Variants in MISP3 observed in about 807,000 individuals in gnomAD.
MISP3 encodes the protein MISP family member 3.
MISP3 carries 9 observed loss-of-function variants against 5.5 expected under a neutral mutation model. The ratio of observed to expected loss-of-function variants is 1.65; its 90% CI spans 0.99 to 2.87. The LOEUF (loss-of-function observed/expected upper bound fraction) is 2.87. MISP3 is among the 30% of genes most tolerant of loss of function. The pLI, the probability that MISP3 is intolerant of heterozygous loss-of-function variation, is 0.00. For synonymous variants in MISP3, 87 were observed against 38.1 expected, an observed-to-expected ratio of 2.28 and a Z score of -4.73; for missense variants, 152 against 84.1, an observed-to-expected ratio of 1.81 and a Z score of -3.16.
At position 14,073,128 on chromosome 19, in the gene MISP3, T is replaced by G; in HGVS notation, c.-182T>G. 1.5e-6 allele frequency: 1 copy of G among 658,744 alleles called. No homozygotes were observed. The highest frequency in any genetic ancestry group is 2.8e-6 in the Non-Finnish European group (1 of 356,802). The allele number at this position is 658,744 out of a possible 1,614,324, so 40.8% of individuals were successfully genotyped here. On this transcript the variant is annotated 5_prime_UTR_variant, in exon 1 of 3. Coordinates refer to ENST00000587086, the MANE Select transcript of MISP3 (RefSeq NM_001291291.2). This position sits in a 1 kb window ranked among gnomAD's most constrained non-coding sequence, Gnocchi z 8.5. ...CCCGGGCTGTCCACAGCTGCGGGCTTTGAGAGTCCTGAGCCAGGCAGAGAC... is the reference window on the plus strand; with the variant it reads ...CCCGGGCTGTCCACAGCTGCGGGCTGTGAGAGTCCTGAGCCAGGCAGAGAC...
chr19:14,072,971 G>C lies in MISP3; in HGVS notation c.-339G>C. On this transcript the variant is annotated 5_prime_UTR_variant, in exon 1 of 3. Coordinates refer to ENST00000587086, the MANE Select transcript of MISP3 (RefSeq NM_001291291.2). This position sits in a 1 kb window ranked among gnomAD's most constrained non-coding sequence, Gnocchi z 6.8. The stretch of plus-strand genomic sequence containing the variant: ...AAGAGGAGGGCCAGGAGTCCCCAGG[G>C]CCAGACAGCGAAGCCCCAGAGCTGC... 4.2e-6 allele frequency: 2 copies of C among 478,614 alleles called. No homozygotes were observed. Among genetic ancestry groups the C allele is most frequent in the Non-Finnish European group, 8.3e-6 (2 of 241,790 alleles). The allele number at this position is 478,614 out of a possible 1,614,324, so 29.6% of individuals were successfully genotyped here. A position where few individuals can be genotyped will look rare whatever the true frequency, so the allele number is the denominator to read the frequency against.
Position 14,075,055 on chromosome 19 carries a change from T to C in MISP3, c.*332T>C. 3.4e-6 allele frequency: 1 copy of C among 297,884 alleles called. No homozygotes were observed. Among genetic ancestry groups the C allele is most frequent in the Non-Finnish European group, 6.5e-6 (1 of 153,400 alleles). The allele number at this position is 297,884 out of a possible 1,614,324, so 18.5% of individuals were successfully genotyped here. On this transcript the variant is annotated 3_prime_UTR_variant, in exon 3 of 3. Transcript: ENST00000587086. ...CCCACCCCCAATAAAGCCTCTTCTT[T>C]CAGGGCACTGCAGCCTGTTTTTTTC...
Position 14,073,373 on chromosome 19 carries a change from A to G in MISP3, c.64A>G (p.Ser22Gly). 1.4e-6 allele frequency: 1 copy of G among 697,592 alleles called. No homozygotes were observed. Among genetic ancestry groups the G allele is most frequent in the Non-Finnish European group, 2.6e-6 (1 of 382,342 alleles). 43.2% of individuals were successfully genotyped at this position (697,592 alleles called of 1,614,324 possible). ...SCEREESLRR[S>G]RGLSPGRAGR... ...CGAACGCGAGGAGAGCCTGCGCCGG[A>G]GCCGGGGCCTGAGCCCGGGCCGCGC... Residue 22 changes from serine (S) to glycine (G), a missense_variant, in exon 1 of 3, where the codon AGC becomes GGC. Ser to Gly is a moderately conservative substitution (Grantham distance 56, BLOSUM62 0). Transcript: ENST00000587086. This position sits in a 1 kb window ranked among gnomAD's most constrained non-coding sequence, Gnocchi z 8.5.
Position 14,074,823 on chromosome 19 carries a change from T to C in MISP3, c.*100T>C. The C allele has an allele frequency of 1.5e-6, 1 of 672,020 alleles. No individual in the cohort carries two copies. Among genetic ancestry groups the C allele is most frequent in the Non-Finnish European group, 2.8e-6 (1 of 360,620 alleles). 41.6% of individuals were successfully genotyped at this position (672,020 alleles called of 1,614,324 possible). ...TAGGCCTGGAGAAGGGTCGGCTCTC[T>C]GCATTGGGGAAGATGAAATCGACTT... On this transcript the variant is annotated 3_prime_UTR_variant, in exon 3 of 3. Coordinates refer to ENST00000587086, the MANE Select transcript of MISP3 (RefSeq NM_001291291.2). This position sits in a 1 kb window ranked among gnomAD's most constrained non-coding sequence, Gnocchi z 4.4.
At position 14,073,908 on chromosome 19, in the gene MISP3, C is replaced by A. The variant is rs1313289865; in HGVS notation, c.568+31C>A. ...CCGCGGGCGTAGCAACGCCGGGACC[C>A]CCAGGGTTCCAGCCGCCCCCACCGA... On this transcript the variant is annotated intron_variant, in intron 1 of 2. Coordinates refer to ENST00000587086, the MANE Select transcript of MISP3 (RefSeq NM_001291291.2). This position sits in a 1 kb window ranked among gnomAD's most constrained non-coding sequence, Gnocchi z 8.5. The A allele has an allele frequency of 1.4e-6, 1 of 697,150 alleles. No individual in the cohort carries two copies. The highest frequency in any genetic ancestry group is 1.8e-5 in the African/African-American group (1 of 56,842). 43.2% of individuals were successfully genotyped at this position (697,150 alleles called of 1,614,324 possible).
At position 14,073,210 on chromosome 19, in the gene MISP3, A is replaced by G; in HGVS notation, c.-100A>G. ...AGGTCCAGGGGCAGCATCCCCCTCCAGGCCCTAAGACCTCCTCCTCCAGGT... is the reference window on the plus strand; with the variant it reads ...AGGTCCAGGGGCAGCATCCCCCTCCGGGCCCTAAGACCTCCTCCTCCAGGT... On this transcript the variant is annotated 5_prime_UTR_variant, in exon 1 of 3. Coordinates refer to ENST00000587086, the MANE Select transcript of MISP3 (RefSeq NM_001291291.2). This position sits in a 1 kb window ranked among gnomAD's most constrained non-coding sequence, Gnocchi z 8.5. The G allele has an allele frequency of 3.0e-6, 2 of 673,950 alleles. No homozygotes were observed. The highest frequency in any genetic ancestry group is 5.5e-6 in the Non-Finnish European group (2 of 366,586). The allele number at this position is 673,950 out of a possible 1,614,324, so 41.7% of individuals were successfully genotyped here. A position where few individuals can be genotyped will look rare whatever the true frequency, so the allele number is the denominator to read the frequency against.
Position 14,074,116 on chromosome 19 carries a change from G to C in MISP3, c.568+239G>C. ...GATCCACACCACCCAGGCTGCGCGGGGGTGGGGGCATTCCAGATGTCTTCC... is the reference window on the plus strand; with the variant it reads ...GATCCACACCACCCAGGCTGCGCGGCGGTGGGGGCATTCCAGATGTCTTCC... On this transcript the variant is annotated intron_variant, in intron 1 of 2. Transcript: ENST00000587086. This position sits in a 1 kb window ranked among gnomAD's most constrained non-coding sequence, Gnocchi z 4.4. The C allele has an allele frequency of 1.7e-6, 1 of 593,424 alleles. No individual in the cohort carries two copies. Among genetic ancestry groups the C allele is most frequent in the East Asian group, 2.8e-5 (1 of 35,512 alleles). The allele number at this position is 593,424 out of a possible 1,614,324, so 36.8% of individuals were successfully genotyped here. A position where few individuals can be genotyped will look rare whatever the true frequency, so the allele number is the denominator to read the frequency against.
In MISP3 at chr19:14,075,017, T is replaced by C; in HGVS notation, c.*294T>C. On this transcript the variant is annotated 3_prime_UTR_variant, in exon 3 of 3. Transcript: ENST00000587086. ...AAGAGGGCCGGAGTTACCGCCTCGA[T>C]TGCCCCACTCCCCCCACCCCCAATA... 1 of 347,948 alleles carries C rather than the reference T, an allele frequency of 2.9e-6. No homozygotes were observed. Among genetic ancestry groups the C allele is most frequent in the Non-Finnish European group, 5.4e-6 (1 of 183,902 alleles). 21.6% of individuals were successfully genotyped at this position (347,948 alleles called of 1,614,324 possible).
At position 14,075,046 on chromosome 19, in the gene MISP3, C is replaced by T. The variant is rs1976669857; in HGVS notation, c.*323C>T. On this transcript the variant is annotated 3_prime_UTR_variant, in exon 3 of 3. Coordinates refer to ENST00000587086, the MANE Select transcript of MISP3 (RefSeq NM_001291291.2). Reference sequence around the variant, plus strand: ...CCCACTCCCCCCACCCCCAATAAAGCCTCTTCTTTCAGGGCACTGCAGCCT... The same window carrying T: ...CCCACTCCCCCCACCCCCAATAAAGTCTCTTCTTTCAGGGCACTGCAGCCT... The T allele has an allele frequency of 9.3e-6, 3 of 322,938 alleles. No individual in the cohort carries two copies. Among genetic ancestry groups the T allele is most frequent in the South Asian group, 1.1e-4 (2 of 17,500 alleles). 20.0% of individuals were successfully genotyped at this position (322,938 alleles called of 1,614,324 possible).
At position 14,073,023 on chromosome 19, in the gene MISP3, A is replaced by C. The variant is rs1438871359; in HGVS notation, c.-287A>C. The C allele has an allele frequency of 3.8e-6, 2 of 525,430 alleles. No homozygotes were observed. The highest frequency in any genetic ancestry group is 7.4e-6 in the Non-Finnish European group (2 of 272,078). The allele number at this position is 525,430 out of a possible 1,614,324, so 32.5% of individuals were successfully genotyped here. Reference sequence around the variant, plus strand: ...GCGGAGCTGAACACCGAGGTCCCCAAGCCCTCCGCAAAGGACGTGGAGATC... The same window carrying C: ...GCGGAGCTGAACACCGAGGTCCCCACGCCCTCCGCAAAGGACGTGGAGATC... On this transcript the variant is annotated 5_prime_UTR_variant, in exon 1 of 3. Transcript: ENST00000587086. This position sits in a 1 kb window ranked among gnomAD's most constrained non-coding sequence, Gnocchi z 8.5.
chr19:14,073,144 A>C lies in MISP3; in HGVS notation c.-166A>C. 1 of 668,174 alleles carries C rather than the reference A, an allele frequency of 1.5e-6. No individual in the cohort carries two copies. The highest frequency in any genetic ancestry group is 2.8e-6 in the Non-Finnish European group (1 of 362,672). 41.4% of individuals were successfully genotyped at this position (668,174 alleles called of 1,614,324 possible). ...CTGCGGGCTTTGAGAGTCCTGAGCC[A>C]GGCAGAGACGACCCTGGGCCGTCCG... On this transcript the variant is annotated 5_prime_UTR_variant, in exon 1 of 3. Coordinates refer to ENST00000587086, the MANE Select transcript of MISP3 (RefSeq NM_001291291.2). This position sits in a 1 kb window ranked among gnomAD's most constrained non-coding sequence, Gnocchi z 8.5.
At position 14,073,453 on chromosome 19, in the gene MISP3, T is replaced by A. The variant is rs1201250937; in HGVS notation, c.144T>A (p.Pro48=). The A allele has an allele frequency of 7.3e-6, 4 of 545,472 alleles. No homozygotes were observed. The highest frequency in any genetic ancestry group is 9.5e-6 in the Non-Finnish European group (3 of 314,200). The allele number at this position is 545,472 out of a possible 1,614,324, so 33.8% of individuals were successfully genotyped here. The change falls in exon 1 of 3, where the codon CCT becomes CCA. Residue 48 remains proline, a synonymous_variant. Coordinates refer to ENST00000587086, the MANE Select transcript of MISP3 (RefSeq NM_001291291.2). This position sits in a 1 kb window ranked among gnomAD's most constrained non-coding sequence, Gnocchi z 8.5. ...RVRPVLNLPG[P]GPALPRALER... ...GGCCGGTGCTCAACCTGCCGGGTCCTGGCCCCGCGCTCCCGCGCGCCCTGG... is the reference window on the plus strand; with the variant it reads ...GGCCGGTGCTCAACCTGCCGGGTCCAGGCCCCGCGCTCCCGCGCGCCCTGG...
In MISP3 at chr19:14,073,294, C is replaced by T; in HGVS notation, c.-16C>T. On this transcript the variant is annotated 5_prime_UTR_variant, in exon 1 of 3. Coordinates refer to ENST00000587086, the MANE Select transcript of MISP3 (RefSeq NM_001291291.2). This position sits in a 1 kb window ranked among gnomAD's most constrained non-coding sequence, Gnocchi z 8.5. The stretch of plus-strand genomic sequence containing the variant: ...CGTGCCCCGAGGCTCCCCAGCGTCC[C>T]CCGGAGGAGCGGTTCATGGAGACGC... The T allele has an allele frequency of 2.9e-6, 2 of 695,088 alleles. No individual in the cohort carries two copies. Among genetic ancestry groups the T allele is most frequent in the Non-Finnish European group, 5.3e-6 (2 of 380,044 alleles). The allele number at this position is 695,088 out of a possible 1,614,324, so 43.1% of individuals were successfully genotyped here.
At position 14,073,497 on chromosome 19, in the gene MISP3, C is replaced by A; in HGVS notation, c.188C>A (p.Ala63Glu). The A allele has an allele frequency of 2.6e-6, 1 of 389,926 alleles. No individual in the cohort carries two copies. The highest frequency in any genetic ancestry group is 4.5e-6 in the Non-Finnish European group (1 of 223,858). The allele number at this position is 389,926 out of a possible 1,614,324, so 24.2% of individuals were successfully genotyped here. Residue 63 changes from alanine to glutamate, a missense_variant, in exon 1 of 3, where the codon GCG becomes GAG. Coordinates refer to ENST00000587086, the MANE Select transcript of MISP3 (RefSeq NM_001291291.2). The surrounding 1 kb of genome is among the most constrained non-coding windows in gnomAD (Gnocchi z 8.5). ...GCCCTGGAGCGGGCGCGGGCGGGCGCGCAGATGCAGCGGGACATCGAGCGG... is the reference window on the plus strand; with the variant it reads ...GCCCTGGAGCGGGCGCGGGCGGGCGAGCAGATGCAGCGGGACATCGAGCGG... ...PRALERARAG[A>E]QMQRDIEREA...
Position 14,072,921 on chromosome 19 carries a change from G to A in MISP3, c.-389G>A. ...TGGACACGAAGGCCCCCACCGGCCG[G>A]AGAACGAAACCCTGGGGTCGTCTGA... On this transcript the variant is annotated 5_prime_UTR_variant, in exon 1 of 3. Transcript: ENST00000587086. The surrounding 1 kb of genome is among the most constrained non-coding windows in gnomAD (Gnocchi z 6.8). The A allele has an allele frequency of 2.2e-6, 1 of 456,080 alleles. No homozygotes were observed. The highest frequency in any genetic ancestry group is 4.4e-6 in the Non-Finnish European group (1 of 228,588). 28.3% of individuals were successfully genotyped at this position (456,080 alleles called of 1,614,324 possible). A position where few individuals can be genotyped will look rare whatever the true frequency, so the allele number is the denominator to read the frequency against.
Position 14,074,027 on chromosome 19 carries a change from T to C in MISP3, c.568+150T>C, listed in dbSNP as rs1976644571. On this transcript the variant is annotated intron_variant, in intron 1 of 2. Coordinates refer to ENST00000587086, the MANE Select transcript of MISP3 (RefSeq NM_001291291.2). The surrounding 1 kb of genome is among the most constrained non-coding windows in gnomAD (Gnocchi z 4.4). ...CCCCCTCTCAATTTTGTCTCTTGCC[T>C]ACCCCTTCTGGAGCTCCATTACTCG... 2 of 605,332 alleles carry C rather than the reference T, an allele frequency of 3.3e-6. No homozygotes were observed. Among genetic ancestry groups the C allele is most frequent in the Non-Finnish European group, 5.9e-6 (2 of 340,344 alleles). The allele number at this position is 605,332 out of a possible 1,614,324, so 37.5% of individuals were successfully genotyped here.
At position 14,074,818 on chromosome 19, in the gene MISP3, CT is replaced by C. The variant is rs1976664447; in HGVS notation, c.*96del. 1 of 677,978 alleles carries C rather than the reference CT, an allele frequency of 1.5e-6. No individual in the cohort carries two copies. The allele number at this position is 677,978 out of a possible 1,614,324, so 42.0% of individuals were successfully genotyped here. Reference sequence around the variant, plus strand: ...AGCATTAGGCCTGGAGAAGGGTCGGCTCTCTGCATTGGGGAAGATGAAATCG... The same window carrying C: ...AGCATTAGGCCTGGAGAAGGGTCGGCCTCTGCATTGGGGAAGATGAAATCG... On this transcript the variant is annotated 3_prime_UTR_variant, in exon 3 of 3. Transcript: ENST00000587086. The surrounding 1 kb of genome is among the most constrained non-coding windows in gnomAD (Gnocchi z 4.4).
rs1043399460 is a variant in MISP3, at chr19:14,073,431, C to G, written c.122C>G (p.Pro41Arg). The change falls in exon 1 of 3, where the codon CCG (proline) becomes CGG (arginine). Residue 41 changes from proline to arginine, a missense_variant. Pro to Arg is a moderately radical substitution (Grantham distance 103). Transcript: ENST00000587086. The surrounding 1 kb of genome is among the most constrained non-coding windows in gnomAD (Gnocchi z 8.5). ...GAACTCGTCGAGCTGCGCGTGCGGC[C>G]GGTGCTCAACCTGCCGGGTCCTGGC... ...GRELVELRVR[P>R]VLNLPGPGPA... 1.5e-6 allele frequency: 1 copy of G among 660,172 alleles called. No individual in the cohort carries two copies. Among genetic ancestry groups the G allele is most frequent in the Non-Finnish European group, 2.7e-6 (1 of 367,578 alleles). The allele number at this position is 660,172 out of a possible 1,614,324, so 40.9% of individuals were successfully genotyped here.
In MISP3 at chr19:14,073,581, C is replaced by A. The variant is rs1357838001; in HGVS notation, c.272C>A (p.Ser91Ter). 3.6e-6 allele frequency: 1 copy of A among 275,126 alleles called. No individual in the cohort carries two copies. Among genetic ancestry groups the A allele is most frequent in the South Asian group, 1.5e-4 (1 of 6,660 alleles). 17.0% of individuals were successfully genotyped at this position (275,126 alleles called of 1,614,324 possible). A position where few individuals can be genotyped will look rare whatever the true frequency, so the allele number is the denominator to read the frequency against. Residue 91 changes from serine to a stop codon, truncating the protein, a stop_gained, in exon 1 of 3, where the codon TCG becomes TAG. Coordinates refer to ENST00000587086, the MANE Select transcript of MISP3 (RefSeq NM_001291291.2). LOFTEE classifies it high-confidence loss of function. The surrounding 1 kb of genome is among the most constrained non-coding windows in gnomAD (Gnocchi z 8.5). Reference protein sequence around the residue: ...RPAVPEPRARSPPQPLGELKR... With the variant: ...RPAVPEPRAR Reference sequence around the variant, plus strand: ...GCGGTCCCCGAGCCGCGCGCCCGGTCGCCGCCGCAGCCGCTGGGCGAACTC... The same window carrying A: ...GCGGTCCCCGAGCCGCGCGCCCGGTAGCCGCCGCAGCCGCTGGGCGAACTC...
Sources: gnomAD v4.1 joint callset for allele counts on GRCh38, gnomAD v4.1.1 for gene constraint, Gnocchi (gnomAD v3.1) non-coding constraint, MANE v1.5 for transcripts, NCBI Gene and HGNC (gene_info 2026-07-23, HGNC 2026-07-21) for gene names.